The following EVC2 variants were observed in gnomAD, a reference collection of about 807,000 sequenced individuals.
EVC2 encodes the protein limbin.
A neutral mutation model predicts 149.3 loss-of-function variants in EVC2; 148 were observed. The observed-to-expected ratio is 0.99, with a 90% CI of 0.87 to 1.14. The LOEUF is 1.14. EVC2 is among the 50% of genes most tolerant of loss of function. EVC2 has a pLI of 0.00. For synonymous variants in EVC2, 776 were observed against 649.9 expected, an observed-to-expected ratio of 1.19 and a Z score of -2.95; for missense variants, 1,854 against 1,627.3, an observed-to-expected ratio of 1.14 and a Z score of -2.40.
intron 10 of EVC2, among the ~76,000 whole-genome samples, chr4:5,638,623 A>G (rs935689721): frequency 6.6e-6 from 1 of 152,104 alleles, no homozygotes; most frequent in South Asian, 2.1e-4. Context: ...CAAAAAAGAT[A>G]TGCCTAGATC....
intron 16 of EVC2, among the ~76,000 whole-genome samples, chr4:5,611,337 C>A (rs1714806515): frequency 1.3e-5 from 2 of 152,162 alleles, no homozygotes; most frequent in Admixed American, 1.3e-4. Context: ...TCATGAAGAG[C>A]ATCAGCTGTA....
intron 2 of EVC2, among the ~76,000 whole-genome samples, chr4:5,697,358 G>C (rs570622404): frequency 2.6e-5 from 4 of 152,282 alleles, no homozygotes; most frequent in South Asian, 4.2e-4. Flanking sequence ...GCCTTCAGGG[G>C]ATATCAAAAA....
chr4:5,632,092 C>T, intron 10 of EVC2, 60 bp from the exon 11 acceptor site: 1 of 1,605,296 alleles, frequency 6.2e-7, no homozygotes, highest in Non-Finnish European at 8.5e-7. Flanking sequence ...CCTACATGTG[C>T]ATGCAATGCA....
chr4:5,708,723 C>T, upstream of EVC2: 1 of 449,766 alleles, frequency 2.2e-6, no homozygotes. Context: ...CCCAGGCGCC[C>T]GGCGGCCAGG....
At chr4:5,548,503 C>T (rs1428199186) in intron 21 of EVC2, among the ~76,000 whole-genome samples, 1 of 151,604 alleles carries the variant, frequency 6.6e-6, no homozygotes, top group African/African-American at 2.4e-5. Flanking sequence ...AAATTAAACA[C>T]ATATTTTATT....
rs181367193 is a variant in EVC2, at chr4:5,600,908, A to C, written c.2829+14514T>G. Among the ~76,000 whole-genome samples the C allele has an allele frequency of 2.0e-3, 302 of 152,350 alleles. 4 individuals carry two copies. The highest frequency in any genetic ancestry group is 6.3e-4 in the Non-Finnish European group (43 of 68,038). On this transcript the variant is annotated intron_variant, in intron 16 of 21. Coordinates refer to ENST00000344408, the MANE Select transcript of EVC2 (RefSeq NM_147127.5). ...CAGGAAAAGTCTCTGAATTTAGGGA[A>C]GGAAACTCAGGCACATCTGAAAACA... is the stretch of plus-strand genomic sequence containing the variant.
At chr4:5,707,320 C>G (rs1243350815) in intron 1 of EVC2, among the ~76,000 whole-genome samples, 1 of 152,116 alleles carries the variant, frequency 6.6e-6, no homozygotes, top group African/African-American at 2.4e-5. Flanking sequence ...AGAGACTAAA[C>G]CTCTGCCAGT....
chr4:5,568,490 C>G lies in EVC2; in HGVS notation c.3511G>C (p.Ala1171Pro). ...TGCTCCGCTCCGCCATCGCTCTCAG[C>G]TGCGTGGTCCACATGTCTCTCGGTG... ...SATERHVDHAAESDGGAEQAD... is the reference protein window; with the variant it reads ...SATERHVDHAPESDGGAEQAD... The change falls in exon 20 of 22, where the codon GCT becomes CCT. Residue 1171 changes from alanine to proline, a missense_variant. Ala to Pro is a conservative substitution (Grantham distance 27). Transcript: ENST00000344408. 3 of 1,584,044 alleles carry G rather than the reference C, an allele frequency of 1.9e-6. No homozygotes were observed. The highest frequency in any genetic ancestry group is 2.6e-6 in the Non-Finnish European group (3 of 1,171,922).
intron 21 of EVC2, among the ~76,000 whole-genome samples, chr4:5,546,881 T>A (rs1474109286): frequency 6.6e-6 from 1 of 152,046 alleles, no homozygotes; most frequent in Non-Finnish European, 1.5e-5. Flanking sequence ...CAGGGACAAG[T>A]GGGAGCCCTG....
chr4:5,589,796 A>G (rs918285028), intron 16 of EVC2, among the ~76,000 whole-genome samples: 5 of 152,228 alleles, frequency 3.3e-5, no homozygotes, highest in Non-Finnish European at 4.4e-5. Context: ...GGTCACAAGC[A>G]GAAGTCCCTC....
intron 21 of EVC2, among the ~76,000 whole-genome samples, chr4:5,544,773 C>T (rs1474262853): frequency 1.3e-5 from 2 of 152,134 alleles, no homozygotes; most frequent in Non-Finnish European, 2.9e-5. Flanking sequence ...GAGTGACCAC[C>T]GTTGGATGCT....
intron 1 of EVC2, 29 bp downstream of exon 1, chr4:5,708,257 A>T: frequency 6.8e-7 from 1 of 1,468,202 alleles, no homozygotes; most frequent in Non-Finnish European, 9.0e-7. Context: ...CTACAGTCAG[A>T]CCGGAGCCTG....
intron 15 of EVC2, among the ~76,000 whole-genome samples, chr4:5,616,281 A>G (rs1009751847): frequency 6.6e-6 from 1 of 152,164 alleles, no homozygotes; most frequent in Non-Finnish European, 1.5e-5. Context: ...TGGAACTTGG[A>G]TCCCAGCTCA....
intron 16 of EVC2, among the ~76,000 whole-genome samples, chr4:5,599,051 C>T (rs1464763548): frequency 4.6e-5 from 7 of 152,096 alleles, no homozygotes; most frequent in Middle Eastern, 3.4e-3. Flanking sequence ...GAATGGCAAT[C>T]ATTAAAAAGT....
Position 5,690,167 on chromosome 4 carries a change from G to C in EVC2, c.520-824C>G, listed in dbSNP as rs138670726. ...CACTTATAACTGCATGCATATGGCA[G>C]AAAAAGTCACTAGAAGGATATACAA... On this transcript the variant is annotated intron_variant, in intron 4 of 21. Coordinates refer to ENST00000344408, the MANE Select transcript of EVC2 (RefSeq NM_147127.5). Among the ~76,000 whole-genome samples, 1,238 of 152,330 alleles carry C rather than the reference G, an allele frequency of 8.1e-3. 68 individuals are homozygous for C. Among genetic ancestry groups the C allele is most frequent in the Admixed American group, 0.076 (1,157 of 15,304 alleles).
Position 5,574,776 on chromosome 4 carries a change from G to C in EVC2, c.3273-4C>G. 1 of 1,614,024 alleles carries C rather than the reference G, an allele frequency of 6.2e-7. No homozygotes were observed. Among genetic ancestry groups the C allele is most frequent in the Middle Eastern group, 1.7e-4 (1 of 6,058 alleles). Reference sequence around the variant, plus strand: ...GTTCTGTTGTTCCTCTCTCAAACTGGAGTGAAAATAAAATATACGTAAGTT... The same window carrying C: ...GTTCTGTTGTTCCTCTCTCAAACTGCAGTGAAAATAAAATATACGTAAGTT... On this transcript the variant is annotated splice_region_variant and splice_polypyrimidine_tract_variant and intron_variant, in intron 18 of 21. Coordinates refer to ENST00000344408, the MANE Select transcript of EVC2 (RefSeq NM_147127.5).
chr4:5,704,766 T>C (rs1722030003), intron 1 of EVC2, among the ~76,000 whole-genome samples: 1 of 152,084 alleles, frequency 6.6e-6, no homozygotes, highest in African/African-American at 2.4e-5. Context: ...AGTGCAGTGG[T>C]GAGATCATAG....
chr4:5,542,916 G>GGATCAGCA, intron 22 of EVC2: 1 of 335,102 alleles, frequency 3.0e-6, no homozygotes, highest in Non-Finnish European at 5.8e-6. Flanking sequence ...GCCACTGAAA[G>GGATCAGCA]GATCAGCAGC....
chr4:5,532,149 C>G, the EVC2 span, among the ~76,000 whole-genome samples: 89 of 152,060 alleles, frequency 5.9e-4, no homozygotes, highest in Non-Finnish European at 1.1e-3. Context: ...TTTAAGGAGG[C>G]TAAGAAGTCC....
Sources: allele counts gnomAD v4.1 joint callset (sites outside exome capture counted in the v4.1 genomes callset), GRCh38; gene constraint gnomAD v4.1.1; transcripts MANE v1.5; gene names NCBI Gene and HGNC (gene_info 2026-07-23, HGNC 2026-07-21).